Variants in ENTPD1 observed in about 807,000 individuals in gnomAD.
The protein encoded by ENTPD1 is ATP diphosphohydrolase.
A neutral mutation model predicts 57.0 loss-of-function variants in ENTPD1; 33 were observed. That is an observed-to-expected ratio of 0.58 (90% CI 0.44 to 0.77). The LOEUF (loss-of-function observed/expected upper bound fraction) is 0.77. Among genes scored for constraint, ENTPD1 ranks in the 30% least tolerant of loss-of-function variants. The pLI, the probability that ENTPD1 is intolerant of heterozygous loss-of-function variation, is 0.00. For synonymous variants in ENTPD1, 202 were observed against 218.8 expected (o/e 0.92, Z 0.68); for missense variants, 501 against 603.4 (o/e 0.83, Z 1.78).
intron 1 of ENTPD1, among the ~76,000 whole-genome samples, chr10:95,735,379 CTATT>C (rs1285078349): frequency 2.0e-5 from 3 of 152,116 alleles, no homozygotes; most frequent in African/African-American, 7.2e-5. Flanking sequence ...CAAAAGAAAT[CTATT>C]TGTTTCCAGA....
intron 1 of ENTPD1, among the ~76,000 whole-genome samples, chr10:95,738,061 A>G (rs2097996519): frequency 6.6e-6 from 1 of 152,204 alleles, no homozygotes; most frequent in South Asian, 2.1e-4. Context: ...AAGGGAGGGA[A>G]GATGAAGGAG....
At position 95,869,680 on chromosome 10, in the gene ENTPD1, T is replaced by C; in HGVS notation, c.*3297T>C. The stretch of plus-strand genomic sequence containing the variant: ...AATAAGAAATATGTAAATAAAATTT[T>C]TTAAAATTACACTTCATTTTAATGT... On this transcript the variant is annotated 3_prime_UTR_variant, in exon 10 of 10. Transcript: ENST00000371205. 6 of 974,644 alleles carry C rather than the reference T, an allele frequency of 6.2e-6. No homozygotes were observed. The highest frequency in any genetic ancestry group is 7.3e-6 in the Non-Finnish European group (6 of 820,118). The allele number at this position is 974,644 out of a possible 1,614,324, so 60.4% of individuals were successfully genotyped here. A position where few individuals can be genotyped will look rare whatever the true frequency, so the allele number is the denominator to read the frequency against.
chr10:95,709,442 G>A (rs1302690364), upstream of ENTPD1, among the ~76,000 whole-genome samples: 5 of 151,658 alleles, frequency 3.3e-5, no homozygotes, highest in African/African-American at 1.2e-4. Flanking sequence ...AGAGTGCAAT[G>A]GCCTGGTCTC....
chr10:95,798,838 G>T (rs565824794), intron 1 of ENTPD1, among the ~76,000 whole-genome samples: 1 of 152,174 alleles, frequency 6.6e-6, no homozygotes, highest in Non-Finnish European at 1.5e-5. Flanking sequence ...AGGAGAAAAG[G>T]CATGTGGAAT....
chr10:95,851,488 G>T (rs1407158981), intron 7 of ENTPD1, among the ~76,000 whole-genome samples: 1 of 151,628 alleles, frequency 6.6e-6, no homozygotes, highest in Admixed American at 6.6e-5. Context: ...ATGCAGGTTT[G>T]TTAGATATGT....
At position 95,877,119 on chromosome 10, in the gene ENTPD1, A is replaced by T. The variant is rs2098486469; in HGVS notation, c.*10736A>T. ...AGTTAAAATTTGGGAGTAGTAGAAA[A>T]TCAATTGGTTATCTTATAGAGTCTC... On this transcript the variant is annotated 3_prime_UTR_variant, in exon 10 of 10. Coordinates refer to ENST00000371205, the MANE Select transcript of ENTPD1 (RefSeq NM_001776.6). 1.3e-5 allele frequency among the ~76,000 whole-genome samples: 2 copies of T among 152,232 alleles called. No individual in the cohort carries two copies. The highest frequency in any genetic ancestry group is 2.4e-5 in the African/African-American group (1 of 41,462).
chr10:95,758,583 C>T (rs951350415), intron 1 of ENTPD1, among the ~76,000 whole-genome samples: 1 of 152,194 alleles, frequency 6.6e-6, no homozygotes, highest in Non-Finnish European at 1.5e-5. Flanking sequence ...TGTCCATGCT[C>T]CTGCCCTCTG....
At chr10:95,729,384 G>A (rs372159954) in intron 1 of ENTPD1, among the ~76,000 whole-genome samples, 41 of 152,152 alleles carry the variant, frequency 2.7e-4, no homozygotes, top group African/African-American at 9.7e-4. Context: ...GTTTCCTGGA[G>A]TAGTCAGTCT....
At chr10:95,786,456 G>C (rs2098180307) in intron 1 of ENTPD1, among the ~76,000 whole-genome samples, 1 of 152,172 alleles carries the variant, frequency 6.6e-6, no homozygotes, top group African/African-American at 2.4e-5. Context: ...GAGGGAGAAG[G>C]AATGCATATC....
intron 7 of ENTPD1, among the ~76,000 whole-genome samples, chr10:95,856,350 T>G (rs192290668): frequency 6.6e-6 from 1 of 152,250 alleles, no homozygotes; most frequent in Admixed American, 6.5e-5. Context: ...ATAATAGATG[T>G]TGGCATGGAT....
At chr10:95,842,946 G>T (rs1345643023) in intron 4 of ENTPD1, among the ~76,000 whole-genome samples, 1 of 152,196 alleles carries the variant, frequency 6.6e-6, no homozygotes, top group African/African-American at 2.4e-5. Context: ...AGCATATAGT[G>T]CCTGCTCTAT....
chr10:95,728,563 T>C (rs1231991510), intron 1 of ENTPD1, among the ~76,000 whole-genome samples: 2 of 152,192 alleles, frequency 1.3e-5, no homozygotes, highest in Admixed American at 1.3e-4. Flanking sequence ...GCACTTTTTA[T>C]GGATCCCACG....
At chr10:95,798,783 G>T (rs1298727962) in intron 1 of ENTPD1, among the ~76,000 whole-genome samples, 1 of 152,154 alleles carries the variant, frequency 6.6e-6, no homozygotes, top group Non-Finnish European at 1.5e-5. Flanking sequence ...TTTTGTTAAG[G>T]TAGAGACACA....
At chr10:95,800,930 A>G (rs989775490) in intron 1 of ENTPD1, among the ~76,000 whole-genome samples, 29 of 152,214 alleles carry the variant, frequency 1.9e-4, no homozygotes, top group African/African-American at 6.8e-4. Context: ...CCTCAGCTTA[A>G]GAAGATGACA....
intron 1 of ENTPD1, among the ~76,000 whole-genome samples, chr10:95,811,321 G>GTGC (rs2098306195): frequency 6.6e-6 from 1 of 152,186 alleles, no homozygotes; most frequent in African/African-American, 2.4e-5. Context: ...GGCTGACAGG[G>GTGC]TGCTAGAGTG....
At chr10:95,863,597 G>A (rs1441094359) in intron 8 of ENTPD1, among the ~76,000 whole-genome samples, 2 of 152,188 alleles carry the variant, frequency 1.3e-5, no homozygotes, top group Non-Finnish European at 2.9e-5. Flanking sequence ...AGCAAGACAA[G>A]GCAGTCTAGT....
intron 7 of ENTPD1, among the ~76,000 whole-genome samples, chr10:95,853,339 G>A (rs1316950435): frequency 2.0e-5 from 3 of 152,302 alleles, no homozygotes; most frequent in African/African-American, 7.2e-5. Flanking sequence ...GGGCTGAGAT[G>A]ATGGGGTTTT....
intron 1 of ENTPD1, among the ~76,000 whole-genome samples, chr10:95,765,557 C>G (rs148480873): frequency 1.1e-3 from 161 of 152,224 alleles, no homozygotes; most frequent in African/African-American, 3.8e-3. Context: ...ATATCTAGCC[C>G]TATGTCAATT....
chr10:95,727,013 C>G (rs923035951), intron 1 of ENTPD1, among the ~76,000 whole-genome samples: 1 of 152,102 alleles, frequency 6.6e-6, no homozygotes, highest in Non-Finnish European at 1.5e-5. Context: ...ACATGAAGCT[C>G]CTTCGTCAGT....
Sources: gnomAD v4.1 joint callset for allele counts (sites outside exome capture counted in the v4.1 genomes callset) on GRCh38, gnomAD v4.1.1 for gene constraint, MANE v1.5 for transcripts, NCBI Gene and HGNC (gene_info 2026-07-23, HGNC 2026-07-21) for gene names.